ZBTB20: variants seen among roughly 807,000 people sequenced by gnomAD.
The protein encoded by ZBTB20 is zinc finger and BTB domain-containing protein 20.
In ZBTB20, 9 loss-of-function variants were observed where a neutral mutation model predicts 56.9. That is an observed-to-expected ratio of 0.16 (90% CI 0.10 to 0.28). The LOEUF (loss-of-function observed/expected upper bound fraction) is 0.28, where lower values mean the gene tolerates loss of function less well. Among genes scored for constraint, ZBTB20 ranks in the 10% least tolerant of loss-of-function variants. ZBTB20 has a pLI of 1.00. For missense variants in ZBTB20, 655 were observed against 1,003.0 expected (o/e 0.65, Z 4.69); for synonymous variants, 417 against 420.7 (o/e 0.99, Z 0.11).
intron 6 of ZBTB20, among the ~76,000 whole-genome samples, chr3:114,570,715 C>A (rs184499670): frequency 6.6e-6 from 1 of 152,212 alleles, no homozygotes; most frequent in African/African-American, 2.4e-5. Flanking sequence ...TTTACTCTTC[C>A]TTCACATTCA....
chr3:115,049,406 T>A (rs2081458150), intron 2 of ZBTB20, among the ~76,000 whole-genome samples: 1 of 152,160 alleles, frequency 6.6e-6, no homozygotes, highest in African/African-American at 2.4e-5. Context: ...TTGTCCAAAG[T>A]GTTTCGTATT....
At chr3:114,434,753 A>G (rs2090395531) in intron 7 of ZBTB20, among the ~76,000 whole-genome samples, 1 of 152,140 alleles carries the variant, frequency 6.6e-6, no homozygotes, top group East Asian at 1.9e-4. Flanking sequence ...CTATCTGCCA[A>G]CAATAAAAAG....
chr3:114,854,493 T>C (rs1056759068), intron 4 of ZBTB20, among the ~76,000 whole-genome samples: 2 of 152,200 alleles, frequency 1.3e-5, no homozygotes, highest in African/African-American at 4.8e-5. Context: ...TACATTTGTA[T>C]AGTTTTTGTC....
At chr3:114,426,962 A>T (rs2089728350) in intron 7 of ZBTB20, among the ~76,000 whole-genome samples, 1 of 152,204 alleles carries the variant, frequency 6.6e-6, no homozygotes, top group Non-Finnish European at 1.5e-5. Context: ...AAAAAGTCCC[A>T]TTTTGTTACT....
chr3:115,064,754 T>G (rs2082145355), intron 2 of ZBTB20, among the ~76,000 whole-genome samples: 1 of 152,108 alleles, frequency 6.6e-6, no homozygotes. Context: ...TGCCCGGCCT[T>G]CTCTCTGAAT....
chr3:114,833,937 A>T (rs1027728418), intron 4 of ZBTB20, among the ~76,000 whole-genome samples: 9 of 152,128 alleles, frequency 5.9e-5, no homozygotes, highest in African/African-American at 2.2e-4. Flanking sequence ...AGTAAGTGAA[A>T]TTCAGCCAGA....
At chr3:114,921,627 C>T (rs899126213) in intron 3 of ZBTB20, among the ~76,000 whole-genome samples, 5 of 149,442 alleles carry the variant, frequency 3.3e-5, no homozygotes, top group African/African-American at 1.2e-4. Context: ...AAAAACCAAA[C>T]ACCGCATGTC....
intron 7 of ZBTB20, among the ~76,000 whole-genome samples, chr3:114,462,023 A>AAAT (rs2092354734): frequency 6.6e-6 from 1 of 152,168 alleles, no homozygotes; most frequent in Non-Finnish European, 1.5e-5. Context: ...TGTAAGATGG[A>AAAT]AATAATAATA....
intron 6 of ZBTB20, chr3:114,658,929 T>C (rs2060564806): frequency 6.6e-6 from 1 of 152,210 alleles, no homozygotes; most frequent in Non-Finnish European, 1.5e-5. Flanking sequence ...CTAGGTGCTG[T>C]GCCAAAAACA....
At chr3:114,606,822 A>G (rs1414436174) in intron 6 of ZBTB20, among the ~76,000 whole-genome samples, 1 of 152,148 alleles carries the variant, frequency 6.6e-6, no homozygotes, top group Non-Finnish European at 1.5e-5. Flanking sequence ...GCGGCCAGGC[A>G]CTGTGCCTCA....
intron 3 of ZBTB20, among the ~76,000 whole-genome samples, chr3:114,912,563 T>TG: frequency 6.6e-6 from 1 of 152,088 alleles, no homozygotes; most frequent in South Asian, 2.1e-4. Flanking sequence ...TAAAGGCAAA[T>TG]GGAGTATCCA....
In ZBTB20 at chr3:114,457,046, T is replaced by C. The variant is rs149173338; in HGVS notation, c.-255+43306A>G. Among the ~76,000 whole-genome samples the C allele has an allele frequency of 2.7e-4, 41 of 152,310 alleles. No individual in the cohort carries two copies. The East Asian group carries it at 6.9e-3, about 26-fold the overall frequency. On this transcript the variant is annotated intron_variant, in intron 7 of 11. Coordinates refer to ENST00000675478, the MANE Select transcript of ZBTB20 (RefSeq NM_001348800.3). ...AAACACACGGCCTACAGTTGACTGATTTGGAAAGGGGGAAGGAATCAGTGA... is the reference window on the plus strand; with the variant it reads ...AAACACACGGCCTACAGTTGACTGACTTGGAAAGGGGGAAGGAATCAGTGA...
At chr3:114,695,791 A>T (rs946382970) in intron 5 of ZBTB20, among the ~76,000 whole-genome samples, 6 of 151,992 alleles carry the variant, frequency 3.9e-5, no homozygotes, top group African/African-American at 9.7e-5. Flanking sequence ...TTCTTTTGAC[A>T]ATCAGGCACC....
At chr3:114,818,563 G>A (rs2108907947) in intron 4 of ZBTB20, among the ~76,000 whole-genome samples, 2 of 151,948 alleles carry the variant, frequency 1.3e-5, no homozygotes, top group Middle Eastern at 6.8e-3. Flanking sequence ...CTCAAGAAAA[G>A]TCTATGTCCA....
intron 6 of ZBTB20, among the ~76,000 whole-genome samples, chr3:114,664,512 A>G (rs1367576727): frequency 1.3e-5 from 2 of 152,146 alleles, no homozygotes; most frequent in East Asian, 3.9e-4. Flanking sequence ...AAAGAAATAA[A>G]AGTATTTTTG....
chr3:115,088,298 T>C (rs1265817116), intron 1 of ZBTB20, among the ~76,000 whole-genome samples: 3 of 151,850 alleles, frequency 2.0e-5, no homozygotes, highest in African/African-American at 7.2e-5. Flanking sequence ...TCTAAAAGAA[T>C]GCCATTTGAG....
chr3:114,355,018 T>C (rs1263354555), intron 10 of ZBTB20, among the ~76,000 whole-genome samples: 1 of 152,224 alleles, frequency 6.6e-6, no homozygotes, highest in Non-Finnish European at 1.5e-5. Context: ...TAAAGCTTTT[T>C]CCACTGCATA....
chr3:114,974,490 C>T (rs1051159402), intron 2 of ZBTB20, 74 bp from the exon 3 acceptor site: 2 of 152,056 alleles, frequency 1.3e-5, no homozygotes, highest in African/African-American at 4.8e-5. Flanking sequence ...ATCTTTATGA[C>T]CCAGGTAGCT....
At chr3:115,113,862 C>G (rs1478452387) in intron 1 of ZBTB20, among the ~76,000 whole-genome samples, 3 of 151,368 alleles carry the variant, frequency 2.0e-5, no homozygotes. Flanking sequence ...AATATTGCCA[C>G]CTTCTATTTG....
Sources: gnomAD v4.1 joint callset for allele counts (sites outside exome capture counted in the v4.1 genomes callset) on GRCh38, gnomAD v4.1.1 for gene constraint, MANE v1.5 for transcripts, NCBI Gene and HGNC (gene_info 2026-07-23, HGNC 2026-07-21) for gene names.